TRPM7: variants seen among roughly 807,000 people sequenced by gnomAD.
TRPM7 encodes the protein LTRPC ion channel family member 7.
In TRPM7, 134 loss-of-function variants were observed where a neutral mutation model predicts 229.7. The ratio of observed to expected loss-of-function variants is 0.58; its 90% CI spans 0.51 to 0.67. TRPM7 has a LOEUF of 0.67. Ranked by LOEUF, TRPM7 falls within the 30% of genes least tolerant of loss-of-function variation. The pLI, the probability that TRPM7 is intolerant of heterozygous loss-of-function variation, is 0.00. For missense variants in TRPM7, 1,901 were observed against 2,210.0 expected, an observed-to-expected ratio of 0.86 and a Z score of 2.80; for synonymous variants, 699 against 715.2, an observed-to-expected ratio of 0.98 and a Z score of 0.36.
chr15:50,585,970 T>C (rs191753796), intron 28 of TRPM7, among the ~76,000 whole-genome samples: 2 of 151,994 alleles, frequency 1.3e-5, no homozygotes, highest in African/African-American at 4.8e-5. Flanking sequence ...AGACAAATAG[T>C]GGTAAATGTG....
In TRPM7 at chr15:50,612,914, T is replaced by C. The variant is rs920065590; in HGVS notation, c.1771-85A>G. Reference sequence around the variant, plus strand: ...AGTGAAAATTTTAGTAAAATATCTTTACATTATTCAGCTCCATAAAACTGC... The same window carrying C: ...AGTGAAAATTTTAGTAAAATATCTTCACATTATTCAGCTCCATAAAACTGC... On this transcript the variant is annotated intron_variant, in intron 15 of 38. Transcript: ENST00000646667. 6 of 1,223,726 alleles carry C rather than the reference T, an allele frequency of 4.9e-6. No homozygotes were observed. The African/African-American group carries it at 6.0e-5, about 12-fold the overall frequency. 75.8% of individuals were successfully genotyped at this position (1,223,726 alleles called of 1,614,324 possible). A position where few individuals can be genotyped will look rare whatever the true frequency, so the allele number is the denominator to read the frequency against.
At chr15:50,679,097 C>CA (rs2062170582) in intron 1 of TRPM7, among the ~76,000 whole-genome samples, 1 of 136,474 alleles carries the variant, frequency 7.3e-6, no homozygotes, top group African/African-American at 2.9e-5. Context: ...TGGTCTCGAT[C>CA]TCTTGACCTG....
At chr15:50,565,997 T>G (rs2053581879) in intron 38 of TRPM7, among the ~76,000 whole-genome samples, 1 of 152,038 alleles carries the variant, frequency 6.6e-6, no homozygotes, top group African/African-American at 2.4e-5. Flanking sequence ...CTAATTTTTG[T>G]ATTTTTTAGT....
chr15:50,636,508 A>G (rs775803907), intron 7 of TRPM7, among the ~76,000 whole-genome samples: 16 of 152,150 alleles, frequency 1.1e-4, no homozygotes, highest in Non-Finnish European at 2.1e-4. Context: ...AACTTTTAGC[A>G]AAAGTTCTGA....
chr15:50,669,470 C>T (rs897190606), intron 1 of TRPM7, among the ~76,000 whole-genome samples: 2 of 151,952 alleles, frequency 1.3e-5, no homozygotes, highest in African/African-American at 4.8e-5. Context: ...ATGCTGGGCT[C>T]GGTTTTAAAA....
intron 11 of TRPM7, among the ~76,000 whole-genome samples, chr15:50,624,889 A>G (rs1044897441): frequency 1.3e-5 from 2 of 152,232 alleles, no homozygotes; most frequent in Admixed American, 6.5e-5. Context: ...CAACCATCAG[A>G]TAAGTCAGGC....
chr15:50,573,277 C>T (rs773776905), intron 36 of TRPM7, among the ~76,000 whole-genome samples: 5 of 152,168 alleles, frequency 3.3e-5, no homozygotes, highest in Non-Finnish European at 7.4e-5. Flanking sequence ...TGGGCCTAGC[C>T]TTAAGAGGTT....
chr15:50,565,701 G>T (rs1444254877), intron 38 of TRPM7, among the ~76,000 whole-genome samples: 2 of 151,974 alleles, frequency 1.3e-5, no homozygotes, highest in African/African-American at 4.8e-5. Flanking sequence ...AACCAGCAAG[G>T]ATACAAGAAC....
chr15:50,617,575 T>A (rs1361680338), intron 13 of TRPM7, among the ~76,000 whole-genome samples: 1 of 151,848 alleles, frequency 6.6e-6, no homozygotes, highest in Non-Finnish European at 1.5e-5. Context: ...TTAAATCAGT[T>A]ACAAAATAAA....
intron 25 of TRPM7, 98 bp from the exon 26 acceptor site, chr15:50,592,724 C>A (rs1028861193): frequency 1.3e-5 from 10 of 799,658 alleles, no homozygotes; most frequent in Admixed American, 1.2e-4. Context: ...AGAAAAATTT[C>A]ACATGCATTT....
intron 3 of TRPM7, among the ~76,000 whole-genome samples, chr15:50,653,608 G>A (rs993097942): frequency 1.7e-4 from 26 of 152,096 alleles, no homozygotes; most frequent in Non-Finnish European, 3.4e-4. Context: ...ACCAGCTTGG[G>A]GGCAATTTCT....
intron 19 of TRPM7, among the ~76,000 whole-genome samples, chr15:50,607,812 C>T (rs1429669221): frequency 1.3e-5 from 2 of 149,782 alleles, no homozygotes; most frequent in East Asian, 3.9e-4. Flanking sequence ...TTTGGGAAGC[C>T]AATGCAGGCA....
At chr15:50,579,092 C>A (rs542194086) in intron 30 of TRPM7, among the ~76,000 whole-genome samples, 2 of 152,076 alleles carry the variant, frequency 1.3e-5, no homozygotes, top group Admixed American at 6.6e-5. Context: ...AAGTAGATGT[C>A]ATTTTGCCTC....
intron 7 of TRPM7, among the ~76,000 whole-genome samples, chr15:50,636,203 T>TG (rs1282018201): frequency 4.6e-5 from 7 of 151,170 alleles, no homozygotes; most frequent in African/African-American, 1.7e-4. Context: ...TTTTTTTTTT[T>TG]GCAATGGAGT....
intron 21 of TRPM7, among the ~76,000 whole-genome samples, chr15:50,599,864 A>G (rs906224968): frequency 1.3e-5 from 2 of 152,214 alleles, no homozygotes; most frequent in African/African-American, 4.8e-5. Context: ...AAAAACTAAA[A>G]GACACCAATG....
intron 36 of TRPM7, 64 bp downstream of exon 36, chr15:50,574,210 T>C (rs2054030047): frequency 6.3e-6 from 8 of 1,275,002 alleles, no homozygotes; most frequent in African/African-American, 4.4e-5. Context: ...AGATTCTGTA[T>C]AACATATGAA....
At chr15:50,615,769 A>G (rs2060205723) in intron 13 of TRPM7, among the ~76,000 whole-genome samples, 1 of 152,032 alleles carries the variant, frequency 6.6e-6, no homozygotes, top group African/African-American at 2.4e-5. Flanking sequence ...GGTGGAGGGC[A>G]CCTGTAATCC....
In TRPM7 at chr15:50,574,118, G is replaced by C. The variant is rs562000345; in HGVS notation, c.5308+156C>G. Among the ~76,000 whole-genome samples the C allele has an allele frequency of 5.9e-5, 9 of 152,282 alleles. No individual in the cohort carries two copies. In the South Asian group the frequency reaches 1.9e-3, roughly 32 times the overall value. ...GCCAGATTCTATTACTCAAGGCCCT[G>C]ATGGCTATATGCTATGACTGTGATT... On this transcript the variant is annotated intron_variant, in intron 36 of 38. Transcript: ENST00000646667.
chr15:50,580,763 AATC>A, intron 30 of TRPM7, 108 bp downstream of exon 30: 1 of 951,904 alleles, frequency 1.1e-6, no homozygotes, highest in East Asian at 2.5e-5. Context: ...TAGAATAAAT[AATC>A]ATCACTCATA....
Sources: allele counts gnomAD v4.1 joint callset (sites outside exome capture counted in the v4.1 genomes callset), GRCh38; gene constraint gnomAD v4.1.1; transcripts MANE v1.5; gene names NCBI Gene and HGNC (gene_info 2026-07-23, HGNC 2026-07-21).